The following RCAN2 variants were observed in gnomAD, a reference collection of about 807,000 sequenced individuals.
The protein encoded by RCAN2 is calcipressin-2.
A neutral mutation model predicts 23.6 loss-of-function variants in RCAN2; 9 were observed. The ratio of observed to expected loss-of-function variants is 0.38; its 90% confidence interval spans 0.23 to 0.67. The LOEUF (loss-of-function observed/expected upper bound fraction) is 0.67, where lower values mean the gene tolerates loss of function less well. Ranked by LOEUF, RCAN2 falls within the 30% of genes least tolerant of loss-of-function variation. RCAN2 has a pLI of 0.51. For missense variants in RCAN2, 273 were observed against 302.3 expected (o/e 0.90, Z 0.72); for synonymous variants, 109 against 115.7 (o/e 0.94, Z 0.37).
chr6:46,462,748 C>A (rs1768256274), intron 1 of RCAN2, among the ~76,000 whole-genome samples: 1 of 152,226 alleles, frequency 6.6e-6, no homozygotes, highest in Non-Finnish European at 1.5e-5. Flanking sequence ...TGATTAAACC[C>A]GGAGGAAGAG....
intron 1 of RCAN2, among the ~76,000 whole-genome samples, chr6:46,464,969 A>C (rs1768330865): frequency 6.6e-6 from 1 of 151,670 alleles, no homozygotes; most frequent in Admixed American, 6.6e-5. Flanking sequence ...GGATGTGTAC[A>C]CCTGCAGGAT....
chr6:46,325,639 G>GC lies in RCAN2; in HGVS notation c.226-76744dup. On this transcript the variant is annotated intron_variant, in intron 2 of 4. Transcript: ENST00000371374. ...CTGGAGCCCGCTCCCACTGCACGCA[G>GC]CCCTCCGCGTCTGAGGCAGCACAGC... 2.8e-6 allele frequency: 4 copies of GC among 1,425,168 alleles called. No homozygotes were observed. The South Asian group carries it at 6.1e-5, about 22-fold the overall frequency. 88.3% of individuals were successfully genotyped at this position (1,425,168 alleles called of 1,614,324 possible).
At chr6:46,413,382 A>G (rs1766601841) in intron 2 of RCAN2, among the ~76,000 whole-genome samples, 1 of 152,192 alleles carries the variant, frequency 6.6e-6, no homozygotes, top group East Asian at 1.9e-4. Context: ...AACGGTAGGC[A>G]GTTCTGTTGA....
chr6:46,338,803 A>G (rs1764216874), intron 2 of RCAN2, among the ~76,000 whole-genome samples: 1 of 152,118 alleles, frequency 6.6e-6, no homozygotes, highest in Non-Finnish European at 1.5e-5. Context: ...ACTTGAGGCC[A>G]GGAGTTTGAG....
chr6:46,349,704 A>G (rs80080711), intron 2 of RCAN2, among the ~76,000 whole-genome samples: 3,983 of 152,226 alleles, frequency 0.026, 161 homozygotes, highest in African/African-American at 0.087. Context: ...GAACCATCAA[A>G]GAAAATCTCA....
intron 2 of RCAN2, among the ~76,000 whole-genome samples, chr6:46,353,113 T>C (rs945223282): frequency 6.6e-6 from 1 of 152,112 alleles, no homozygotes; most frequent in African/African-American, 2.4e-5. Context: ...GTGTCACATG[T>C]GTAGAAAATG....
chr6:46,291,280 GT>G (rs11389800), intron 2 of RCAN2, among the ~76,000 whole-genome samples: 2,023 of 145,240 alleles, frequency 0.014, 47 homozygotes, highest in African/African-American at 0.048. Flanking sequence ...ATTCGCCAGT[GT>G]TTTTTTTTTT....
chr6:46,402,657 G>C (rs1766283728), intron 2 of RCAN2, among the ~76,000 whole-genome samples: 1 of 152,108 alleles, frequency 6.6e-6, no homozygotes, highest in Non-Finnish European at 1.5e-5. Context: ...CAGGTCAAGA[G>C]GAGTCTTCTA....
intron 2 of RCAN2, among the ~76,000 whole-genome samples, chr6:46,312,168 C>T (rs1267025462): frequency 6.6e-6 from 1 of 152,178 alleles, no homozygotes; most frequent in Non-Finnish European, 1.5e-5. Flanking sequence ...TAAGGCAAGG[C>T]TGGTGCTATG....
intron 2 of RCAN2, among the ~76,000 whole-genome samples, chr6:46,302,529 G>C (rs921029376): frequency 1.3e-5 from 2 of 152,012 alleles, no homozygotes; most frequent in Admixed American, 1.3e-4. Flanking sequence ...AATAAATTAC[G>C]CTTTTTGCAA....
chr6:46,364,521 C>G lies in RCAN2; in HGVS notation c.225+92231G>C, dbSNP rs111472018. 7.1e-3 allele frequency among the ~76,000 whole-genome samples: 1,079 copies of G among 152,320 alleles called. 8 individuals are homozygous for G. The highest frequency in any genetic ancestry group is 0.024 in the African/African-American group (1,017 of 41,578). ...GGGTAACTGAGTAACCCACACTCCA[C>G]AGACTCTTGTTTCCATGTGCTTACG... On this transcript the variant is annotated intron_variant, in intron 2 of 4. Coordinates refer to ENST00000371374, the MANE Select transcript of RCAN2 (RefSeq NM_001251974.2).
At chr6:46,490,964 G>A (rs1769123356) in intron 1 of RCAN2, among the ~76,000 whole-genome samples, 3 of 151,522 alleles carry the variant, frequency 2.0e-5, no homozygotes, top group African/African-American at 4.8e-5. Flanking sequence ...AGCCGGGACT[G>A]ACCACAGATC....
chr6:46,475,310 T>C lies in RCAN2; in HGVS notation c.-3+15863A>G, dbSNP rs549450700. ...GCAAGCTTCTGGCAGGTGAAAGTCATGCTCTCTAGGCTAATTTATTGGCCA... is the reference window on the plus strand; with the variant it reads ...GCAAGCTTCTGGCAGGTGAAAGTCACGCTCTCTAGGCTAATTTATTGGCCA... On this transcript the variant is annotated intron_variant, in intron 1 of 4. Transcript: ENST00000371374. Among the ~76,000 whole-genome samples the C allele has an allele frequency of 9.3e-4, 141 of 152,342 alleles. 1 individual carries two copies. Among genetic ancestry groups the C allele is most frequent in the African/African-American group, 3.3e-3 (138 of 41,592 alleles).
At chr6:46,334,003 A>G (rs1214166213) in intron 2 of RCAN2, among the ~76,000 whole-genome samples, 1 of 152,212 alleles carries the variant, frequency 6.6e-6, no homozygotes, top group Non-Finnish European at 1.5e-5. Context: ...TGTCCATCAC[A>G]TGCAAAAACA....
chr6:46,427,609 A>G (rs1294021537), intron 2 of RCAN2, among the ~76,000 whole-genome samples: 1 of 152,214 alleles, frequency 6.6e-6, no homozygotes. Flanking sequence ...TGACATACCT[A>G]TCAGATTAAT....
chr6:46,378,444 G>C (rs546889993), intron 2 of RCAN2, among the ~76,000 whole-genome samples: 1 of 152,052 alleles, frequency 6.6e-6, no homozygotes, highest in Non-Finnish European at 1.5e-5. Context: ...CTTGAGATCT[G>C]GTCTTCTGGT....
chr6:46,303,398 T>G (rs1285602658), intron 2 of RCAN2, among the ~76,000 whole-genome samples: 2 of 152,018 alleles, frequency 1.3e-5, no homozygotes, highest in African/African-American at 4.8e-5. Context: ...ACAGTTAAAA[T>G]TTGAAGGCCA....
chr6:46,352,434 T>C (rs760600139), intron 2 of RCAN2, among the ~76,000 whole-genome samples: 1 of 152,126 alleles, frequency 6.6e-6, no homozygotes, highest in Non-Finnish European at 1.5e-5. Flanking sequence ...GGACTGAGTT[T>C]TGGGGCCTGA....
rs1165498393 is a variant in RCAN2, at chr6:46,308,039, C to T, written c.226-59143G>A. 3.3e-5 allele frequency among the ~76,000 whole-genome samples: 5 copies of T among 152,154 alleles called. 1 individual carries two copies. Among genetic ancestry groups the T allele is most frequent in the African/African-American group, 1.2e-4 (5 of 41,456 alleles). ...AGACCCTCAGCAACAGGCATCAGGG[C>T]AAAGATGCTGTGAGAAGGCCTTGTG... On this transcript the variant is annotated intron_variant, in intron 2 of 4. Transcript: ENST00000371374.
Sources: allele counts gnomAD v4.1 joint callset (sites outside exome capture counted in the v4.1 genomes callset), GRCh38; gene constraint gnomAD v4.1.1; transcripts MANE v1.5; gene names NCBI Gene and HGNC (gene_info 2026-07-23, HGNC 2026-07-21).